Variants in SAMD4A observed in about 807,000 individuals in gnomAD.
SAMD4A encodes the protein sterile alpha motif domain containing 4A, also known as protein Smaug homolog 1.
SAMD4A carries 33 observed loss-of-function variants against 81.3 expected under a neutral mutation model. The ratio of observed to expected loss-of-function variants is 0.41; its 90% CI spans 0.31 to 0.54. The LOEUF is 0.54. Among genes scored for constraint, SAMD4A ranks in the 20% least tolerant of loss-of-function variants. The probability of loss-of-function intolerance (pLI) is 0.37; values close to 1 mark genes in which losing one functional copy is unlikely to be tolerated. For synonymous variants in SAMD4A, 389 were observed against 382.1 expected (o/e 1.02, Z -0.21); for missense variants, 854 against 951.1 (o/e 0.90, Z 1.34).
In SAMD4A at chr14:54,627,339, A is replaced by G. The variant is rs552685905; in HGVS notation, c.196+59227A>G. On this transcript the variant is annotated intron_variant, in intron 2 of 12. Transcript: ENST00000554335. ...CTAAGGTTAACCAGAGTAGTTTTTCAAAGACGCAGCTTGTCCGTTACATTT... is the reference window on the plus strand; with the variant it reads ...CTAAGGTTAACCAGAGTAGTTTTTCGAAGACGCAGCTTGTCCGTTACATTT... Among the ~76,000 whole-genome samples, 43 of 152,320 alleles carry G rather than the reference A, an allele frequency of 2.8e-4. No individual in the cohort carries two copies. The South Asian group carries it at 8.7e-3, about 31-fold the overall frequency.
At chr14:54,756,660 A>G (rs1014860501) in intron 6 of SAMD4A, among the ~76,000 whole-genome samples, 7 of 152,182 alleles carry the variant, frequency 4.6e-5, no homozygotes, top group Non-Finnish European at 1.0e-4. Flanking sequence ...TTATGTGAGA[A>G]TCCCAATTCT....
At chr14:54,650,553 G>A (rs1008934838) in intron 2 of SAMD4A, among the ~76,000 whole-genome samples, 1 of 152,098 alleles carries the variant, frequency 6.6e-6, no homozygotes, top group Non-Finnish European at 1.5e-5. Flanking sequence ...TCAGACACTC[G>A]TGCTTAAGCA....
intron 2 of SAMD4A, among the ~76,000 whole-genome samples, chr14:54,642,651 C>G (rs1406270008): frequency 1.3e-5 from 2 of 152,176 alleles, no homozygotes; most frequent in Non-Finnish European, 2.9e-5. Context: ...GTGTTCATCA[C>G]TGAGATAACA....
intron 3 of SAMD4A, among the ~76,000 whole-genome samples, chr14:54,719,535 T>C (rs1430043911): frequency 2.0e-5 from 3 of 152,164 alleles, no homozygotes; most frequent in African/African-American, 7.2e-5. Context: ...CCCTTCTTTG[T>C]GACACACTGT....
intron 2 of SAMD4A, among the ~76,000 whole-genome samples, chr14:54,629,285 G>C (rs1029999804): frequency 5.9e-5 from 9 of 152,172 alleles, no homozygotes; most frequent in African/African-American, 2.2e-4. Context: ...GGGAGAGCAT[G>C]GCCCTGCTGA....
chr14:54,566,450 G>A (rs2140087627), upstream of SAMD4A, among the ~76,000 whole-genome samples: 1 of 151,880 alleles, frequency 6.6e-6, no homozygotes, highest in East Asian at 1.9e-4. Context: ...CTCCTTGAAG[G>A]CTGAGTCGCT....
chr14:54,729,042 A>G (rs945689272), intron 3 of SAMD4A, among the ~76,000 whole-genome samples: 5 of 152,160 alleles, frequency 3.3e-5, no homozygotes, highest in Non-Finnish European at 5.9e-5. Flanking sequence ...CATTCAAGCA[A>G]TTGACTCACT....
At chr14:54,714,593 G>A (rs2037073185) in intron 3 of SAMD4A, among the ~76,000 whole-genome samples, 1 of 152,128 alleles carries the variant, frequency 6.6e-6, no homozygotes, top group Non-Finnish European at 1.5e-5. Flanking sequence ...TCAGTAAGTA[G>A]TTTAAAGGGA....
chr14:54,764,584 T>C lies in SAMD4A; in HGVS notation c.1596+44T>C, dbSNP rs775480331. On this transcript the variant is annotated intron_variant, in intron 8 of 12. Coordinates refer to ENST00000554335, the MANE Select transcript of SAMD4A (RefSeq NM_015589.6). ...TACAAAACCATTTTTTTTTTATTGCTTAGAAATGGTTCTCAGAGTTTCTGT... is the reference window on the plus strand; with the variant it reads ...TACAAAACCATTTTTTTTTTATTGCCTAGAAATGGTTCTCAGAGTTTCTGT... The C allele has an allele frequency of 1.1e-5, 14 of 1,264,622 alleles. No homozygotes were observed. The South Asian group carries it at 1.5e-4, about 14-fold the overall frequency. The allele number at this position is 1,264,622 out of a possible 1,614,324, so 78.3% of individuals were successfully genotyped here.
chr14:54,592,397 C>T (rs1036915258), intron 2 of SAMD4A, among the ~76,000 whole-genome samples: 2 of 152,184 alleles, frequency 1.3e-5, no homozygotes, highest in East Asian at 3.8e-4. Flanking sequence ...AAATATGTAT[C>T]CTTTCCTGTC....
chr14:54,578,113 T>C (rs542190101), intron 2 of SAMD4A, among the ~76,000 whole-genome samples: 53 of 152,316 alleles, frequency 3.5e-4, no homozygotes, highest in Admixed American at 3.5e-3. Context: ...TTTATTCTTC[T>C]CAATAACCCT....
chr14:54,718,578 T>TTGTTGTTGTTGTTG (rs879283417), intron 3 of SAMD4A, among the ~76,000 whole-genome samples: 6 of 152,094 alleles, frequency 3.9e-5, no homozygotes, highest in East Asian at 1.9e-4. Flanking sequence ...TGTTGTTGTT[T>TTGTTGTTGTTGTTG]TTTCTAACTC....
rs569138378 is a variant in SAMD4A at position 54,724,081 on chromosome 14, C to T, written c.716-12943C>T. Among the ~76,000 whole-genome samples the T allele has an allele frequency of 7.3e-4, 105 of 144,430 alleles. 1 individual carries two copies. Among genetic ancestry groups the T allele is most frequent in the Admixed American group, 1.8e-3 (26 of 14,542 alleles). 94.8% of individuals were successfully genotyped at this position (144,430 alleles called of 152,430 possible). A position where few individuals can be genotyped will look rare whatever the true frequency, so the allele number is the denominator to read the frequency against. On this transcript the variant is annotated intron_variant, in intron 3 of 12. Coordinates refer to ENST00000554335, the MANE Select transcript of SAMD4A (RefSeq NM_015589.6). ...GCAGGACGCATCTATTCATAGGACC[C>T]CCACAGCAACCCCGGTAGGTAGGTG...
At chr14:54,688,470 G>C (rs1192353066) in intron 2 of SAMD4A, among the ~76,000 whole-genome samples, 1 of 152,160 alleles carries the variant, frequency 6.6e-6, no homozygotes, top group African/African-American at 2.4e-5. Flanking sequence ...TTTGATTCAT[G>C]AGCCAGCACA....
chr14:54,579,420 T>C (rs2033401077), intron 2 of SAMD4A, among the ~76,000 whole-genome samples: 2 of 152,270 alleles, frequency 1.3e-5, no homozygotes, highest in African/African-American at 2.4e-5. Flanking sequence ...AAAACCTATG[T>C]TGAATCCTTG....
intron 2 of SAMD4A, among the ~76,000 whole-genome samples, chr14:54,616,494 A>G (rs936443606): frequency 6.6e-6 from 1 of 152,210 alleles, no homozygotes; most frequent in Admixed American, 6.5e-5. Context: ...GGTTGTGTCC[A>G]TCAGTGCTCT....
chr14:54,614,119 A>T (rs1280657375), intron 2 of SAMD4A, among the ~76,000 whole-genome samples: 1 of 152,242 alleles, frequency 6.6e-6, no homozygotes, highest in Non-Finnish European at 1.5e-5. Context: ...ATGCAGAAGG[A>T]GATATGAGAA....
At chr14:54,661,738 G>A (rs938211317) in intron 2 of SAMD4A, among the ~76,000 whole-genome samples, 2 of 152,166 alleles carry the variant, frequency 1.3e-5, no homozygotes, top group Admixed American at 6.5e-5. Flanking sequence ...GGAGCGTGTG[G>A]ATGACTTGCC....
chr14:54,730,923 G>T (rs1425191831), intron 3 of SAMD4A, among the ~76,000 whole-genome samples: 1 of 152,116 alleles, frequency 6.6e-6, no homozygotes, highest in Non-Finnish European at 1.5e-5. Context: ...AGGAATCCAG[G>T]GTGTAATATC....
Sources: allele counts gnomAD v4.1 joint callset (sites outside exome capture counted in the v4.1 genomes callset), GRCh38; gene constraint gnomAD v4.1.1; transcripts MANE v1.5; gene names NCBI Gene and HGNC (gene_info 2026-07-23, HGNC 2026-07-21).